Variants in SHANK2 observed in about 807,000 individuals in gnomAD.
SHANK2 encodes SH3 and multiple ankyrin repeat domains protein 2.
SHANK2 carries 43 observed loss-of-function variants against 133.7 expected under a neutral mutation model. That is an observed-to-expected ratio of 0.32 (90% CI 0.25 to 0.41). SHANK2 has a LOEUF of 0.41. SHANK2 is among the 10% of genes least tolerant of loss of function. SHANK2 has a pLI of 1.00. For missense variants in SHANK2, 1,994 were observed against 2,235.8 expected, an observed-to-expected ratio of 0.89 and a Z score of 2.18; for synonymous variants, 1,017 against 952.8, an observed-to-expected ratio of 1.07 and a Z score of -1.24.
At chr11:70,922,910 C>A (rs1950371222) in intron 10 of SHANK2, among the ~76,000 whole-genome samples, 1 of 151,552 alleles carries the variant, frequency 6.6e-6, no homozygotes, top group Non-Finnish European at 1.5e-5. Flanking sequence ...AACAAACAAA[C>A]AAACAAACAA....
At chr11:70,818,047 A>G (rs1555054811) in intron 12 of SHANK2, among the ~76,000 whole-genome samples, 1 of 152,158 alleles carries the variant, frequency 6.6e-6, no homozygotes, top group African/African-American at 2.4e-5. Context: ...TTGTTTTATA[A>G]TTGACAAAGA....
intron 3 of SHANK2, among the ~76,000 whole-genome samples, chr11:71,125,706 G>A (rs1434906501): frequency 6.6e-6 from 1 of 152,182 alleles, no homozygotes; most frequent in African/African-American, 2.4e-5. Flanking sequence ...ATTGATGAAG[G>A]CGGCTACACT....
chr11:70,478,423 C>T (rs940112841), intron 25 of SHANK2, among the ~76,000 whole-genome samples: 3 of 152,348 alleles, frequency 2.0e-5, no homozygotes, highest in Non-Finnish European at 4.4e-5. Context: ...TGGAGCCTGT[C>T]AACATATGTT....
intron 17 of SHANK2, among the ~76,000 whole-genome samples, chr11:70,561,361 C>T (rs1490473708): frequency 3.3e-5 from 5 of 152,024 alleles, no homozygotes; most frequent in Non-Finnish European, 7.4e-5. Context: ...CCATGTTGCC[C>T]GGGCTGGTCT....
chr11:71,198,926 C>T (rs1481021595), intron 2 of SHANK2, among the ~76,000 whole-genome samples: 6 of 152,172 alleles, frequency 3.9e-5, no homozygotes, highest in African/African-American at 1.4e-4. Context: ...ATGCTCGGCC[C>T]AGCATCGATG....
chr11:70,489,374 T>TGACAGGAGGA (rs782098496), intron 23 of SHANK2, 26 bp from the exon 24 acceptor site: 34 of 1,612,932 alleles, frequency 2.1e-5, no homozygotes, highest in Non-Finnish European at 2.8e-5. Flanking sequence ...CAGTTGTTAT[T>TGACAGGAGGA]AACCAGTAAC....
At chr11:71,209,353 C>A (rs1024770065) in intron 2 of SHANK2, among the ~76,000 whole-genome samples, 8 of 152,212 alleles carry the variant, frequency 5.3e-5, no homozygotes, top group Non-Finnish European at 1.2e-4. Flanking sequence ...GACACACCCT[C>A]CCACGCCCTG....
At chr11:70,548,787 G>A (rs1430632306) in intron 17 of SHANK2, among the ~76,000 whole-genome samples, 5 of 152,156 alleles carry the variant, frequency 3.3e-5, no homozygotes, top group Non-Finnish European at 5.9e-5. Context: ...GTTAAGATGA[G>A]GTCACTGGGG....
chr11:70,613,230 G>A (rs570899175), intron 17 of SHANK2, among the ~76,000 whole-genome samples: 2 of 152,026 alleles, frequency 1.3e-5, no homozygotes, highest in Admixed American at 6.5e-5. Flanking sequence ...TTGAGATGGA[G>A]TCTTGCTCTG....
chr11:71,096,825 G>A (rs1951622985), intron 6 of SHANK2, among the ~76,000 whole-genome samples: 1 of 152,154 alleles, frequency 6.6e-6, no homozygotes, highest in African/African-American at 2.4e-5. Flanking sequence ...TTTCATAGCT[G>A]ACAACCTCAG....
intron 24 of SHANK2, 145 bp downstream of exon 24, chr11:70,489,183 G>A (rs1591492831): frequency 1.0e-5 from 8 of 802,482 alleles, no homozygotes; most frequent in South Asian, 5.8e-5. Context: ...AAGATGGCTC[G>A]TTCAAAGTGT....
At chr11:70,586,827 C>T (rs1340487568) in intron 17 of SHANK2, among the ~76,000 whole-genome samples, 1 of 152,220 alleles carries the variant, frequency 6.6e-6, no homozygotes, top group Non-Finnish European at 1.5e-5. Flanking sequence ...ACCTCACCCC[C>T]CCAGAGTGGG....
intron 13 of SHANK2, 77 bp downstream of exon 13, chr11:70,806,925 C>A: frequency 3.1e-6 from 2 of 654,798 alleles, no homozygotes; most frequent in Non-Finnish European, 5.6e-6. Context: ...CCTTGGACAT[C>A]GTCCCCACAG....
chr11:70,742,584 A>AC (rs1485495943), intron 14 of SHANK2, among the ~76,000 whole-genome samples: 1 of 151,754 alleles, frequency 6.6e-6, no homozygotes, highest in African/African-American at 2.4e-5. Flanking sequence ...AGTTCACGCC[A>AC]CCCCCCACCC....
At chr11:70,782,928 C>T (rs1454568577) in intron 14 of SHANK2, among the ~76,000 whole-genome samples, 1 of 152,176 alleles carries the variant, frequency 6.6e-6, no homozygotes, top group African/African-American at 2.4e-5. Context: ...TCTGTGACCC[C>T]CTCTAGAATT....
Position 70,490,404 on chromosome 11 carries a change from C to T in SHANK2, c.2440-17G>A, listed in dbSNP as rs369454110. The T allele has an allele frequency of 4.3e-6, 7 of 1,609,298 alleles. No homozygotes were observed. Among genetic ancestry groups the T allele is most frequent in the South Asian group, 2.2e-5 (2 of 90,968 alleles). On this transcript the variant is annotated splice_polypyrimidine_tract_variant and intron_variant, in intron 22 of 25. Coordinates refer to ENST00000601538, the MANE Select transcript of SHANK2 (RefSeq NM_012309.5). ...GTACACAGACTGCAAACCAGAGAGC[C>T]TAGGGTGAGACGCAGCCCTGGCCAG...
chr11:70,639,370 G>T (rs2061147798), intron 17 of SHANK2, among the ~76,000 whole-genome samples: 1 of 152,098 alleles, frequency 6.6e-6, no homozygotes, highest in Non-Finnish European at 1.5e-5. Context: ...TCTGGTGAGG[G>T]CCCCTGTCCT....
At chr11:71,235,844 C>G (rs1054346916) in intron 1 of SHANK2, among the ~76,000 whole-genome samples, 29 of 152,122 alleles carry the variant, frequency 1.9e-4, no homozygotes, top group Non-Finnish European at 4.0e-4. Flanking sequence ...GAGTGGCTGC[C>G]GTGACGATGG....
At chr11:71,149,847 G>A (rs1952732395) in intron 2 of SHANK2, among the ~76,000 whole-genome samples, 1 of 120,948 alleles carries the variant, frequency 8.3e-6, no homozygotes, top group Non-Finnish European at 1.7e-5. Context: ...AAGGAGAAAG[G>A]AGGGAGGGAG....
Sources: gnomAD v4.1 joint callset for allele counts (sites outside exome capture counted in the v4.1 genomes callset) on GRCh38, gnomAD v4.1.1 for gene constraint, MANE v1.5 for transcripts, NCBI Gene and HGNC (gene_info 2026-07-23, HGNC 2026-07-21) for gene names.